The following CNGA4 variants were observed in gnomAD, a reference collection of about 807,000 sequenced individuals.
CNGA4 encodes the protein cyclic nucleotide gated channel subunit alpha 4, also known as cyclic nucleotide-gated channel alpha-4.
Under a neutral mutation model 45.6 loss-of-function variants are expected in CNGA4, and 32 were observed. The observed-to-expected ratio is 0.70, with a 90% CI of 0.53 to 0.94. CNGA4 has a LOEUF of 0.94. Among genes scored for constraint, CNGA4 ranks in the 40% least tolerant of loss-of-function variants. The probability of loss-of-function intolerance (pLI) is 0.00; values close to 1 mark genes in which losing one functional copy is unlikely to be tolerated. For missense variants in CNGA4, 726 were observed against 755.1 expected, an observed-to-expected ratio of 0.96 and a Z score of 0.45; for synonymous variants, 293 against 304.6, an observed-to-expected ratio of 0.96 and a Z score of 0.40.
rs1299647871 is a variant in CNGA4 at position 6,240,622 on chromosome 11, T to A, written c.828T>A (p.Asp276Glu). Residue 276 changes from aspartate to glutamate, a missense_variant, in exon 4 of 6, where the codon GAT becomes GAA. Asp to Glu is a conservative substitution (Grantham distance 45, BLOSUM62 2). Coordinates refer to ENST00000379936, the MANE Select transcript of CNGA4 (RefSeq NM_001037329.4). This position sits in a 1 kb window ranked among gnomAD's most constrained non-coding sequence, Gnocchi z 4.9. ...TCATCTACAACATGAACACTGCAGA[T>A]GCGGCTTTCTACCCAGATCATGCAC... ...SSVIYNMNTA[D>E]AAFYPDHALV... 1 of 1,614,180 alleles carries A rather than the reference T, an allele frequency of 6.2e-7. No homozygotes were observed.
Position 6,241,447 on chromosome 11 carries a change from A to G in CNGA4, c.934A>G (p.Ile312Val). Residue 312 changes from isoleucine to valine, a missense_variant, in exon 5 of 6, where the codon ATC becomes GTC. Ile to Val is a conservative substitution (Grantham distance 29, BLOSUM62 3). Coordinates refer to ENST00000379936, the MANE Select transcript of CNGA4 (RefSeq NM_001037329.4). Reference sequence around the variant, plus strand: ...TACTCTCAGGTATCAGCACCTGCAGATCAACAAGAAGATGACCAACGAGGT... The same window carrying G: ...TACTCTCAGGTATCAGCACCTGCAGGTCAACAAGAAGATGACCAACGAGGT... ...RVIDWYQHLQ[I>V]NKKMTNEVAI... The G allele has an allele frequency of 6.3e-7, 1 of 1,584,782 alleles. No individual in the cohort carries two copies. The highest frequency in any genetic ancestry group is 8.6e-7 in the Non-Finnish European group (1 of 1,162,128).
chr11:6,244,822 A>G (rs1244021983), downstream of CNGA4, among the ~76,000 whole-genome samples: 1 of 152,260 alleles, frequency 6.6e-6, no homozygotes, highest in East Asian at 1.9e-4. This position sits in a 1 kb window ranked among gnomAD's most constrained non-coding sequence, Gnocchi z 4.5. Flanking sequence ...TGATAGACAC[A>G]GATGCCCTTC....
intron 5 of CNGA4, 76 bp from the exon 6 acceptor site, chr11:6,243,873 G>C (rs1236682288): frequency 1.5e-6 from 2 of 1,331,854 alleles, no homozygotes; most frequent in Non-Finnish European, 2.1e-6. Flanking sequence ...GGAGGTGAAG[G>C]TCCTGGTTCA....
chr11:6,242,201 T>G (rs980668425), intron 5 of CNGA4, among the ~76,000 whole-genome samples: 1 of 152,144 alleles, frequency 6.6e-6, no homozygotes, highest in Non-Finnish European at 1.5e-5. Context: ...TTATCCCAAT[T>G]TTAAAGATAA....
chr11:6,244,480 C>T (rs921800318), downstream of CNGA4: 1 of 1,377,630 alleles, frequency 7.3e-7, no homozygotes, highest in Non-Finnish European at 9.9e-7. The surrounding 1 kb of genome is among the most constrained non-coding windows in gnomAD (Gnocchi z 4.5). Context: ...ACTGCTGCAA[C>T]TCTGTCATCC....
chr11:6,243,566 C>A (rs1233843861), intron 5 of CNGA4, among the ~76,000 whole-genome samples: 1 of 152,196 alleles, frequency 6.6e-6, no homozygotes, highest in Non-Finnish European at 1.5e-5. Context: ...GAGATTTGGG[C>A]AGAGACAAAT....
chr11:6,240,718 AGGCGG>A lies in CNGA4; in HGVS notation c.917+10_917+14del. 6.2e-7 allele frequency: 1 copy of A among 1,609,720 alleles called. No homozygotes were observed. The highest frequency in any genetic ancestry group is 1.3e-5 in the African/African-American group (1 of 74,972). On this transcript the variant is annotated splice_region_variant and intron_variant, in intron 4 of 5. Coordinates refer to ENST00000379936, the MANE Select transcript of CNGA4 (RefSeq NM_001037329.4). This position sits in a 1 kb window ranked among gnomAD's most constrained non-coding sequence, Gnocchi z 4.9. Reference sequence around the variant, plus strand: ...AGCGGCGAGTTATTGACTGGTGAGAAGGCGGGGTTCCAGACCAGGACAGGGACCAG... The same window carrying A: ...AGCGGCGAGTTATTGACTGGTGAGAAGGTTCCAGACCAGGACAGGGACCAG...
chr11:6,240,997 A>C lies in CNGA4; in HGVS notation c.917+286A>C, dbSNP rs1220882273. ...GAAGTGCCACTGCCTGGTAGGGCTC[A>C]GAAGGCTCTGGAAGGAGTGGGTGAA... is the stretch of plus-strand genomic sequence containing the variant. On this transcript the variant is annotated intron_variant, in intron 4 of 5. Transcript: ENST00000379936. This position sits in a 1 kb window ranked among gnomAD's most constrained non-coding sequence, Gnocchi z 4.9. Among the ~76,000 whole-genome samples, 1 of 152,214 alleles carries C rather than the reference A, an allele frequency of 6.6e-6. No individual in the cohort carries two copies. The highest frequency in any genetic ancestry group is 1.5e-5 in the Non-Finnish European group (1 of 68,030).
rs1399304207 is a variant in CNGA4 at position 6,244,204 on chromosome 11, A to C, written c.1523A>C (p.Gln508Pro). The change falls in exon 6 of 6, where the codon CAG becomes CCG. Residue 508 changes from glutamine (Q) to proline (P), a missense_variant. Transcript: ENST00000379936. This position sits in a 1 kb window ranked among gnomAD's most constrained non-coding sequence, Gnocchi z 4.5. The part of the protein sequence containing the change: ...RGLDQQLDDL[Q>P]TKFARLLAEL... ...CTAGACCAGCAGCTGGATGATCTACAGACCAAGTTTGCTCGCCTCCTGGCT... is the reference window on the plus strand; with the variant it reads ...CTAGACCAGCAGCTGGATGATCTACCGACCAAGTTTGCTCGCCTCCTGGCT... The C allele has an allele frequency of 6.2e-7, 1 of 1,614,250 alleles. No individual in the cohort carries two copies. The highest frequency in any genetic ancestry group is 8.5e-7 in the Non-Finnish European group (1 of 1,180,044).
intron 5 of CNGA4, among the ~76,000 whole-genome samples, chr11:6,242,632 T>C (rs1184891175): frequency 6.6e-6 from 1 of 152,206 alleles, no homozygotes; most frequent in Non-Finnish European, 1.5e-5. Context: ...GGATGCTGTC[T>C]GTTTGACTTT....
chr11:6,235,747 T>A (rs1847824870), upstream of CNGA4, among the ~76,000 whole-genome samples: 1 of 152,106 alleles, frequency 6.6e-6, no homozygotes, highest in Non-Finnish European at 1.5e-5. Context: ...GAGACCAGCC[T>A]GACCAACATA....
chr11:6,243,029 C>A (rs1847938588), intron 5 of CNGA4, among the ~76,000 whole-genome samples: 2 of 152,210 alleles, frequency 1.3e-5, no homozygotes, highest in Admixed American at 1.3e-4. Context: ...CTCCACCCTC[C>A]CCACACTCTG....
upstream of CNGA4, chr11:6,235,578 G>A: frequency 1.0e-6 from 1 of 974,294 alleles, no homozygotes. Context: ...CCGAGTCTTG[G>A]GAAACAAGCA....
upstream of CNGA4, among the ~76,000 whole-genome samples, chr11:6,238,280 G>T (rs531403442): frequency 6.6e-5 from 10 of 152,176 alleles, no homozygotes; most frequent in Non-Finnish European, 1.3e-4. Context: ...AAGGGGGAGC[G>T]TGTCTTATTC....
Position 6,240,645 on chromosome 11 carries a change from C to T in CNGA4, c.851C>T (p.Ala284Val), listed in dbSNP as rs1847904279. The change falls in exon 4 of 6, where the codon GCA becomes GTA. Residue 284 changes from alanine to valine, a missense_variant. By Grantham distance (64) the Ala-to-Val change is moderately conservative. Transcript: ENST00000379936. This position sits in a 1 kb window ranked among gnomAD's most constrained non-coding sequence, Gnocchi z 4.9. ...GATGCGGCTTTCTACCCAGATCATG[C>T]ACTGGTGAAGAAGTACATGAAGCTG... Reference protein sequence around the residue: ...TADAAFYPDHALVKKYMKLQH... With the variant: ...TADAAFYPDHVLVKKYMKLQH... 3 of 1,614,186 alleles carry T rather than the reference C, an allele frequency of 1.9e-6. No homozygotes were observed. Among genetic ancestry groups the T allele is most frequent in the South Asian group, 1.1e-5 (1 of 91,090 alleles).
rs1417630135 is a variant in CNGA4, at chr11:6,239,164, G to C, written c.-43G>C. On this transcript the variant is annotated 5_prime_UTR_variant, in exon 1 of 6. Coordinates refer to ENST00000379936, the MANE Select transcript of CNGA4 (RefSeq NM_001037329.4). ...ACTCCAGAAGTCCCCTACAGGCAGA[G>C]AGGGTGTGGACATCTCACACCCCAG... 1 of 1,612,398 alleles carries C rather than the reference G, an allele frequency of 6.2e-7. No individual in the cohort carries two copies.
chr11:6,237,231 C>A (rs1048050445), upstream of CNGA4, among the ~76,000 whole-genome samples: 23 of 152,086 alleles, frequency 1.5e-4, no homozygotes, highest in African/African-American at 5.6e-4. Flanking sequence ...AATTTGTGAC[C>A]ATTTTTTTTA....
rs1847872285 is a variant in CNGA4 at position 6,239,136 on chromosome 11, C to A, written c.-71C>A. ...CCTTCAGGCAGTCAGGCACTAGTGC[C>A]CAACTCCAGAAGTCCCCTACAGGCA... On this transcript the variant is annotated 5_prime_UTR_variant, in exon 1 of 6. Coordinates refer to ENST00000379936, the MANE Select transcript of CNGA4 (RefSeq NM_001037329.4). 1 of 1,610,082 alleles carries A rather than the reference C, an allele frequency of 6.2e-7. No individual in the cohort carries two copies. Among genetic ancestry groups the A allele is most frequent in the Non-Finnish European group, 8.5e-7 (1 of 1,178,848 alleles).
chr11:6,244,160 A>T lies in CNGA4; in HGVS notation c.1479A>T (p.Thr493=), dbSNP rs1847957048. ...CTGAGATCGCCCTGCAGGAGGCCAC[A>T]GAGTCCCGGCTACGAGGCCTAGACC... ...EAAEIALQEA[T]ESRLRGLDQQ... Residue 493 remains threonine, a synonymous_variant, in exon 6 of 6, where the codon ACA becomes ACT. Coordinates refer to ENST00000379936, the MANE Select transcript of CNGA4 (RefSeq NM_001037329.4). The surrounding 1 kb of genome is among the most constrained non-coding windows in gnomAD (Gnocchi z 4.5). The T allele has an allele frequency of 3.7e-6, 6 of 1,614,244 alleles. No individual in the cohort carries two copies. Among genetic ancestry groups the T allele is most frequent in the Non-Finnish European group, 5.1e-6 (6 of 1,180,042 alleles).
Sources: gnomAD v4.1 joint callset for allele counts (sites outside exome capture counted in the v4.1 genomes callset) on GRCh38, gnomAD v4.1.1 for gene constraint, Gnocchi (gnomAD v3.1) non-coding constraint, MANE v1.5 for transcripts, NCBI Gene and HGNC (gene_info 2026-07-23, HGNC 2026-07-21) for gene names.